Variants in GRID2IP observed in about 807,000 individuals in gnomAD.
The protein encoded by GRID2IP is delphilin.
In GRID2IP, 78 loss-of-function variants were observed where a neutral mutation model predicts 114.3. The ratio of observed to expected loss-of-function variants is 0.68; its 90% CI spans 0.57 to 0.82. The LOEUF is 0.82. Among genes scored for constraint, GRID2IP ranks in the 40% least tolerant of loss-of-function variants. The pLI, the probability that GRID2IP is intolerant of heterozygous loss-of-function variation, is 0.00. For synonymous variants in GRID2IP, 809 were observed against 724.0 expected (o/e 1.12, Z -1.89); for missense variants, 1,727 against 1,678.5 (o/e 1.03, Z -0.51).
chr7:6,499,758 T>A (rs959988894), intron 20 of GRID2IP, among the ~76,000 whole-genome samples: 2 of 149,622 alleles, frequency 1.3e-5, no homozygotes, highest in African/African-American at 5.0e-5. Flanking sequence ...TGAGACAGGG[T>A]CTCACTCTGT....
At chr7:6,515,926 C>T (rs922793326) in intron 7 of GRID2IP, among the ~76,000 whole-genome samples, 1 of 151,268 alleles carries the variant, frequency 6.6e-6, no homozygotes, top group Admixed American at 6.6e-5. Flanking sequence ...GTGAAACCCC[C>T]TCTCTACTAA....
rs910076260 is a variant in GRID2IP, at chr7:6,498,244, T to A, written c.3400-16A>T. The A allele has an allele frequency of 6.5e-7, 1 of 1,526,728 alleles. No individual in the cohort carries two copies. Among genetic ancestry groups the A allele is most frequent in the Non-Finnish European group, 8.8e-7 (1 of 1,136,660 alleles). 94.6% of individuals were successfully genotyped at this position (1,526,728 alleles called of 1,614,324 possible). ...CCAGGAAGGACTGACAGGCCTCAGT[T>A]AAGGAAACAGCCAGCCCGCTTGTGC... On this transcript the variant is annotated splice_polypyrimidine_tract_variant and intron_variant, in intron 20 of 21. Coordinates refer to ENST00000457091, the MANE Select transcript of GRID2IP (RefSeq NM_001145118.2).
intron 7 of GRID2IP, among the ~76,000 whole-genome samples, chr7:6,518,079 A>G (rs74895231): frequency 1.3e-5 from 2 of 151,026 alleles, no homozygotes; most frequent in Non-Finnish European, 3.0e-5. Context: ...AAAAAAAAAA[A>G]TTAGCTGGGC....
chr7:6,545,570 G>A (rs777564294), intron 1 of GRID2IP, among the ~76,000 whole-genome samples: 6 of 152,164 alleles, frequency 3.9e-5, no homozygotes, highest in Admixed American at 1.3e-4. Flanking sequence ...GGGAAGCTTC[G>A]AGGGTTTCCA....
rs924353930 is a variant in GRID2IP at position 6,516,873 on chromosome 7, T to A, written c.1269-2344A>T. Among the ~76,000 whole-genome samples, 2 of 152,134 alleles carry A rather than the reference T, an allele frequency of 1.3e-5. No homozygotes were observed. The highest frequency in any genetic ancestry group is 6.6e-5 in the Admixed American group (1 of 15,266). On this transcript the variant is annotated intron_variant, in intron 7 of 21. Transcript: ENST00000457091. The surrounding 1 kb of genome is among the most constrained non-coding windows in gnomAD (Gnocchi z 4.3). ...AAGGGCCCCCTGTCTGGCGGACACG[T>A]GACTCACATGACCTTACCTATCATT...
In GRID2IP at chr7:6,520,659, A is replaced by T; in HGVS notation, c.1187T>A (p.Phe396Tyr). The change falls in exon 7 of 22, where the codon TTC becomes TAC. Residue 396 changes from phenylalanine to tyrosine, a missense_variant. Physicochemically the swap from Phe to Tyr is conservative, Grantham distance 22 (BLOSUM62 3). Coordinates refer to ENST00000457091, the MANE Select transcript of GRID2IP (RefSeq NM_001145118.2). This position sits in a 1 kb window ranked among gnomAD's most constrained non-coding sequence, Gnocchi z 4.6. ...GAGTAGGTGCTCCAGCTGCTGGCTG[A>T]AGGTCCTCCCTTGGACCCGGATGCT... ...PSSIRVQGRT[F>Y]SQQLEHLLTP... is the part of the protein sequence containing the mutation. The T allele has an allele frequency of 6.4e-7, 1 of 1,551,674 alleles. No homozygotes were observed. The highest frequency in any genetic ancestry group is 8.7e-7 in the Non-Finnish European group (1 of 1,146,968).
At chr7:6,515,438 G>C (rs967064710) in intron 7 of GRID2IP, among the ~76,000 whole-genome samples, 1 of 151,590 alleles carries the variant, frequency 6.6e-6, no homozygotes, top group Non-Finnish European at 1.5e-5. Flanking sequence ...TCCAGCCTGG[G>C]TGACAGAGCA....
At chr7:6,531,431 G>T (rs1779620788) in intron 2 of GRID2IP, among the ~76,000 whole-genome samples, 1 of 152,200 alleles carries the variant, frequency 6.6e-6, no homozygotes. Flanking sequence ...TCCAGCTACT[G>T]CGCCCCGGAC....
At chr7:6,538,370 C>A (rs1030932429) in intron 2 of GRID2IP, among the ~76,000 whole-genome samples, 1 of 7,674 alleles carries the variant, frequency 1.3e-4, no homozygotes, top group South Asian at 2.0e-3. Flanking sequence ...TGTCTCAAAA[C>A]AAAACAAAAC....
rs1441142458 is a variant in GRID2IP at position 6,526,261 on chromosome 7, G to A, written c.882C>T (p.Arg294=). 3.2e-6 allele frequency: 5 copies of A among 1,551,786 alleles called. No individual in the cohort carries two copies. The East Asian group carries it at 7.3e-5, about 23-fold the overall frequency. The change falls in exon 4 of 22, where the codon CGC becomes CGT. Residue 294 remains arginine, a synonymous_variant. Coordinates refer to ENST00000457091, the MANE Select transcript of GRID2IP (RefSeq NM_001145118.2). This position sits in a 1 kb window ranked among gnomAD's most constrained non-coding sequence, Gnocchi z 7.6. ...ACTCGATCCAGACAGGCCCGTGGCC[G>A]CGAAGTGTGAAGCCGAAGCTCTTGT... ...KGNKSFGFTL[R]GHGPVWIESV...
At chr7:6,538,145 TTGAC>T (rs1779757372) in intron 2 of GRID2IP, among the ~76,000 whole-genome samples, 1 of 151,934 alleles carries the variant, frequency 6.6e-6, no homozygotes, top group Admixed American at 6.6e-5. Flanking sequence ...TGGTGGGCGA[TTGAC>T]TGAGCTCAGG....
At chr7:6,504,461 A>T (rs1439928556) in intron 15 of GRID2IP, among the ~76,000 whole-genome samples, 1 of 149,956 alleles carries the variant, frequency 6.7e-6, no homozygotes, top group Non-Finnish European at 1.5e-5. Context: ...AAGGGTGAGG[A>T]CGGGGTTCTC....
At chr7:6,505,571 G>A (rs1276535627) in intron 14 of GRID2IP, among the ~76,000 whole-genome samples, 10 of 152,054 alleles carry the variant, frequency 6.6e-5, no homozygotes, top group Admixed American at 6.6e-5. Flanking sequence ...GTTTCGCCAC[G>A]TTGCCCAGGC....
At chr7:6,545,565 G>A (rs1779875795) in intron 1 of GRID2IP, among the ~76,000 whole-genome samples, 1 of 152,200 alleles carries the variant, frequency 6.6e-6, no homozygotes. Flanking sequence ...GTAGCGGGAA[G>A]CTTCGAGGGT....
rs777733313 is a variant in GRID2IP, at chr7:6,526,226, G to A, written c.917C>T (p.Pro306Leu). 3.9e-6 allele frequency: 6 copies of A among 1,551,712 alleles called. No individual in the cohort carries two copies. The South Asian group carries it at 7.1e-5, about 18-fold the overall frequency. ...AGGGCAACCGGCCCACCCCTCACCA[G>A]GCAGGACAGACTCGATCCAGACAGG... ...HGPVWIESVL[P>L]GSPADNAALK... Residue 306 changes from proline (P) to leucine (L), a missense_variant and splice_region_variant, in exon 4 of 22, where the codon CCT becomes CTT. Pro to Leu is a moderately conservative substitution (Grantham distance 98). Transcript: ENST00000457091. The surrounding 1 kb of genome is among the most constrained non-coding windows in gnomAD (Gnocchi z 7.6).
rs533243647 is a variant in GRID2IP, at chr7:6,506,212, A to T, written c.2545-305T>A. Among the ~76,000 whole-genome samples, 10 of 152,324 alleles carry T rather than the reference A, an allele frequency of 6.6e-5. No homozygotes were observed. The South Asian group carries it at 2.1e-3, about 32-fold the overall frequency. On this transcript the variant is annotated intron_variant, in intron 13 of 21. Transcript: ENST00000457091. The surrounding 1 kb of genome is among the most constrained non-coding windows in gnomAD (Gnocchi z 5.2). ...AGCTGTGAAGAGGCTAGAGCCAAGT[A>T]AGGGGCTACCGGAGGTGGCTCAGGG...
chr7:6,545,675 C>T (rs926199748), intron 1 of GRID2IP, among the ~76,000 whole-genome samples: 10 of 152,190 alleles, frequency 6.6e-5, no homozygotes, highest in African/African-American at 1.9e-4. Flanking sequence ...TGTGATGATC[C>T]GGGGTCTCAT....
intron 20 of GRID2IP, among the ~76,000 whole-genome samples, chr7:6,499,405 T>C (rs1008830177): frequency 2.0e-5 from 3 of 152,164 alleles, no homozygotes; most frequent in Admixed American, 6.5e-5. Context: ...CCAGGTCAAT[T>C]TCCTTTGCAG....
intron 2 of GRID2IP, among the ~76,000 whole-genome samples, chr7:6,535,885 G>T (rs1337921976): frequency 6.6e-6 from 1 of 151,960 alleles, no homozygotes; most frequent in Non-Finnish European, 1.5e-5. Flanking sequence ...AACTCTCCTT[G>T]GGGACTGTCC....
Sources: allele counts gnomAD v4.1 joint callset (sites outside exome capture counted in the v4.1 genomes callset), GRCh38; gene constraint gnomAD v4.1.1; non-coding constraint Gnocchi (gnomAD v3.1); transcripts MANE v1.5; gene names NCBI Gene and HGNC (gene_info 2026-07-23, HGNC 2026-07-21).